The following CDKAL1 variants were observed in gnomAD, a reference collection of about 807,000 sequenced individuals.
CDKAL1 encodes CDKAL1 threonylcarbamoyladenosine tRNA methylthiotransferase.
In CDKAL1, 32 loss-of-function variants were observed where a neutral mutation model predicts 68.2. That is an observed-to-expected ratio of 0.47 (90% CI 0.35 to 0.63). The LOEUF (loss-of-function observed/expected upper bound fraction) is 0.63. Among genes scored for constraint, CDKAL1 ranks in the 30% least tolerant of loss-of-function variants. CDKAL1 has a pLI of 0.00. For missense variants in CDKAL1, 606 were observed against 696.7 expected, an observed-to-expected ratio of 0.87 and a Z score of 1.47; for synonymous variants, 234 against 244.3, an observed-to-expected ratio of 0.96 and a Z score of 0.39.
At chr6:21,184,434 A>C (rs915327631) in intron 13 of CDKAL1, among the ~76,000 whole-genome samples, 5 of 152,026 alleles carry the variant, frequency 3.3e-5, no homozygotes, top group African/African-American at 1.2e-4. Flanking sequence ...GCCTCAAGTG[A>C]TCAACCCACC....
chr6:21,041,010 T>C (rs115168615), intron 11 of CDKAL1, among the ~76,000 whole-genome samples: 1,576 of 152,318 alleles, frequency 0.01, 31 homozygotes, highest in African/African-American at 0.036. Context: ...TCTTAACACT[T>C]ATTTTTCTCT....
chr6:20,714,092 G>A (rs991789959), intron 5 of CDKAL1, among the ~76,000 whole-genome samples: 1 of 148,236 alleles, frequency 6.7e-6, no homozygotes, highest in Admixed American at 6.7e-5. Context: ...AGGATCTATC[G>A]ACCAGGATGA....
At chr6:20,986,190 C>T (rs1170882532) in intron 10 of CDKAL1, among the ~76,000 whole-genome samples, 1 of 152,078 alleles carries the variant, frequency 6.6e-6, no homozygotes, top group Non-Finnish European at 1.5e-5. Flanking sequence ...TTTCTTCCTT[C>T]GTTTTTGAGG....
chr6:20,730,594 C>T (rs970384253), intron 5 of CDKAL1, among the ~76,000 whole-genome samples: 1 of 151,964 alleles, frequency 6.6e-6, no homozygotes, highest in African/African-American at 2.4e-5. Flanking sequence ...TCTGTAATCC[C>T]AGCACTTTGG....
chr6:20,803,127 T>C (rs897803400), intron 8 of CDKAL1, among the ~76,000 whole-genome samples: 23 of 152,186 alleles, frequency 1.5e-4, no homozygotes, highest in African/African-American at 4.6e-4. Context: ...TTACTTAATA[T>C]TTGCTTATAT....
chr6:20,848,279 G>GTTTTTTTGGTTTT (rs753304984), intron 9 of CDKAL1, among the ~76,000 whole-genome samples: 23,678 of 61,774 alleles, frequency 0.38, 2,908 homozygotes, highest in African/African-American at 0.48. Context: ...CTGGAAAGTT[G>GTTTTTTTGGTTTT]TTTTTTTTTT....
chr6:20,705,712 A>G (rs1771563405), intron 5 of CDKAL1, among the ~76,000 whole-genome samples: 1 of 152,218 alleles, frequency 6.6e-6, no homozygotes, highest in Non-Finnish European at 1.5e-5. Flanking sequence ...AAAATGTATC[A>G]GGAAGCTGTA....
At chr6:20,566,971 T>C (rs1764485476) in intron 4 of CDKAL1, among the ~76,000 whole-genome samples, 1 of 152,096 alleles carries the variant, frequency 6.6e-6, no homozygotes, top group Non-Finnish European at 1.5e-5. Context: ...TTATTACTTA[T>C]TTGTGTTCTT....
intron 10 of CDKAL1, among the ~76,000 whole-genome samples, chr6:20,977,913 T>C (rs935533943): frequency 2.0e-5 from 3 of 152,132 alleles, no homozygotes; most frequent in Non-Finnish European, 2.9e-5. Context: ...TCATTATTTA[T>C]GTAAAGTTAA....
intron 8 of CDKAL1, among the ~76,000 whole-genome samples, chr6:20,830,325 T>C (rs1777662265): frequency 6.6e-6 from 1 of 152,172 alleles, no homozygotes; most frequent in South Asian, 2.1e-4. Flanking sequence ...AAAACAGAAA[T>C]GCAACAATAT....
intron 12 of CDKAL1, among the ~76,000 whole-genome samples, chr6:21,101,319 G>C (rs1235578274): frequency 6.6e-6 from 1 of 152,102 alleles, no homozygotes. Flanking sequence ...ATACACTTTT[G>C]TCCAGGCCCC....
chr6:21,040,663 T>C (rs970240661), intron 11 of CDKAL1, among the ~76,000 whole-genome samples: 3 of 152,188 alleles, frequency 2.0e-5, no homozygotes, highest in South Asian at 2.1e-4. Flanking sequence ...AGGGTCATTA[T>C]TTCAGTGCCT....
chr6:20,978,438 C>A lies in CDKAL1; in HGVS notation c.910-21789C>A, dbSNP rs73733178. On this transcript the variant is annotated intron_variant, in intron 10 of 15. Transcript: ENST00000274695. ...TCAAAATTTGGTTCTTTTATTACAT[C>A]CAGATGAGACTGAAGGAGGCTATTT... Among the ~76,000 whole-genome samples, 502 of 152,256 alleles carry A rather than the reference C, an allele frequency of 3.3e-3. 3 individuals carry two copies. Among genetic ancestry groups the A allele is most frequent in the African/African-American group, 0.011 (476 of 41,546 alleles).
chr6:20,970,137 A>G (rs1765520848), intron 10 of CDKAL1, among the ~76,000 whole-genome samples: 1 of 152,164 alleles, frequency 6.6e-6, no homozygotes, highest in Admixed American at 6.5e-5. Flanking sequence ...TGGAACCACT[A>G]GTGAAGTCCA....
At chr6:20,791,162 A>G (rs974404762) in intron 8 of CDKAL1, among the ~76,000 whole-genome samples, 1 of 152,190 alleles carries the variant, frequency 6.6e-6, no homozygotes, top group Non-Finnish European at 1.5e-5. Flanking sequence ...TATCATTGGC[A>G]TAAGTTATTC....
At chr6:20,670,554 G>A (rs546095163) in intron 5 of CDKAL1, among the ~76,000 whole-genome samples, 1 of 152,164 alleles carries the variant, frequency 6.6e-6, no homozygotes, top group South Asian at 2.1e-4. Flanking sequence ...GTACAAACAG[G>A]CAGAAGTCAG....
intron 6 of CDKAL1, among the ~76,000 whole-genome samples, chr6:20,748,635 A>G (rs928486221): frequency 2.6e-5 from 4 of 151,136 alleles, no homozygotes; most frequent in African/African-American, 9.7e-5. Flanking sequence ...GCATAAAAAT[A>G]GACACATAGA....
chr6:20,597,207 C>T (rs1432632580), intron 4 of CDKAL1, among the ~76,000 whole-genome samples: 1 of 152,176 alleles, frequency 6.6e-6, no homozygotes, highest in Admixed American at 6.5e-5. Context: ...CAACTCACTG[C>T]AACCTCTGCC....
chr6:20,576,117 T>C (rs76440274), intron 4 of CDKAL1, among the ~76,000 whole-genome samples: 2,194 of 152,292 alleles, frequency 0.014, 63 homozygotes, highest in African/African-American at 0.05. Context: ...AAAATGAACA[T>C]TCCAAAACTC....
Sources: allele counts gnomAD v4.1 joint callset (sites outside exome capture counted in the v4.1 genomes callset), GRCh38; gene constraint gnomAD v4.1.1; transcripts MANE v1.5; gene names NCBI Gene and HGNC (gene_info 2026-07-23, HGNC 2026-07-21).